The following GRIK1 variants were observed in gnomAD, a reference collection of about 807,000 sequenced individuals.
The protein encoded by GRIK1 is glutamate ionotropic receptor kainate type subunit 1.
GRIK1 carries 69 observed loss-of-function variants against 105.7 expected under a neutral mutation model. The observed-to-expected ratio is 0.65, with a 90% CI of 0.54 to 0.80. The LOEUF is 0.80. Ranked by LOEUF, GRIK1 falls within the 30% of genes least tolerant of loss-of-function variation. GRIK1 has a pLI of 0.00. For synonymous variants in GRIK1, 438 were observed against 431.3 expected, an observed-to-expected ratio of 1.02 and a Z score of -0.19; for missense variants, 1,109 against 1,167.3, an observed-to-expected ratio of 0.95 and a Z score of 0.73.
chr21:29,584,470 A>G (rs1355642708), intron 12 of GRIK1, among the ~76,000 whole-genome samples: 1 of 152,218 alleles, frequency 6.6e-6, no homozygotes, highest in East Asian at 1.9e-4. Flanking sequence ...AAGTGGAAAC[A>G]TTGTCAACCA....
chr21:29,642,338 C>G (rs1317316823), intron 7 of GRIK1, among the ~76,000 whole-genome samples: 1 of 152,192 alleles, frequency 6.6e-6, no homozygotes, highest in African/African-American at 2.4e-5. Context: ...TGGGAATAAA[C>G]TTTTCCAGTT....
Position 29,714,187 on chromosome 21 carries a change from GT to G in GRIK1, c.119-20125del, listed in dbSNP as rs997222725. Among the ~76,000 whole-genome samples the G allele has an allele frequency of 1.5e-4, 23 of 149,722 alleles. 1 individual carries two copies. The highest frequency in any genetic ancestry group is 2.7e-4 in the African/African-American group (11 of 40,722). On this transcript the variant is annotated intron_variant, in intron 1 of 17. Transcript: ENST00000327783. ...AATTTTTGCTCTATTATATTTTGTG[GT>G]TTTTTTTTCAGACAAGTGGGGTACA...
At chr21:29,853,379 T>A (rs1405662868) in intron 1 of GRIK1, among the ~76,000 whole-genome samples, 1 of 152,214 alleles carries the variant, frequency 6.6e-6, no homozygotes, top group Non-Finnish European at 1.5e-5. Context: ...TGACTTCTGA[T>A]GTGACTAAGA....
intron 6 of GRIK1, among the ~76,000 whole-genome samples, chr21:29,643,912 A>G (rs965129041): frequency 1.7e-4 from 26 of 148,928 alleles, no homozygotes; most frequent in Admixed American, 6.6e-4. Flanking sequence ...ACACACATGC[A>G]CACACACACA....
In GRIK1 at chr21:29,689,638, C is replaced by T. The variant is rs566757688; in HGVS notation, c.544+90G>A. The T allele has an allele frequency of 5.6e-4, 620 of 1,109,140 alleles. 3 individuals carry two copies. In the South Asian group the frequency reaches 7.4e-3, roughly 13 times the overall value. The allele number at this position is 1,109,140 out of a possible 1,614,324, so 68.7% of individuals were successfully genotyped here. ...TTATATAAAAGAGCATTTTTATGCT[C>T]CATCTGATGAGTTTAATGACTATTT... On this transcript the variant is annotated intron_variant, in intron 3 of 17. Coordinates refer to ENST00000327783, the MANE Select transcript of GRIK1 (RefSeq NM_001330994.2).
chr21:29,908,982 T>C (rs2070729763), intron 1 of GRIK1, among the ~76,000 whole-genome samples: 1 of 152,198 alleles, frequency 6.6e-6, no homozygotes, highest in Non-Finnish European at 1.5e-5. Context: ...AAACTTTCAA[T>C]TTTGAGTACT....
chr21:29,855,484 A>G (rs1277099769), intron 1 of GRIK1, among the ~76,000 whole-genome samples: 1 of 152,232 alleles, frequency 6.6e-6, no homozygotes, highest in Non-Finnish European at 1.5e-5. Context: ...ATATAACTTG[A>G]CATAAGAAAT....
At position 29,815,834 on chromosome 21, in the gene GRIK1, A is replaced by T. The variant is rs929840746; in HGVS notation, c.119-121771T>A. 8.9e-4 allele frequency among the ~76,000 whole-genome samples: 136 copies of T among 152,294 alleles called. 2 individuals carry two copies. The highest frequency in any genetic ancestry group is 1.2e-3 in the Non-Finnish European group (83 of 68,014). On this transcript the variant is annotated intron_variant, in intron 1 of 17. Transcript: ENST00000327783. ...TTAATGACTTAAATATAAGACATGAAACTATAAAACTACTAGAAGAAAACA... is the reference window on the plus strand; with the variant it reads ...TTAATGACTTAAATATAAGACATGATACTATAAAACTACTAGAAGAAAACA...
chr21:29,858,530 C>G (rs1327372662), intron 1 of GRIK1, among the ~76,000 whole-genome samples: 1 of 152,164 alleles, frequency 6.6e-6, no homozygotes, highest in Non-Finnish European at 1.5e-5. Flanking sequence ...CCTCTCAGTG[C>G]TAGAAAAATA....
chr21:29,659,267 C>A (rs541699936), intron 4 of GRIK1, among the ~76,000 whole-genome samples: 7 of 151,922 alleles, frequency 4.6e-5, no homozygotes, highest in African/African-American at 1.7e-4. Context: ...ATAATTTTTC[C>A]CCATATAAAC....
intron 1 of GRIK1, among the ~76,000 whole-genome samples, chr21:29,910,900 T>C (rs1569211443): frequency 6.6e-6 from 1 of 152,056 alleles, no homozygotes. Context: ...CAAGACTGAC[T>C]TCGTTAGTTT....
intron 3 of GRIK1, among the ~76,000 whole-genome samples, chr21:29,681,883 T>C (rs1914460390): frequency 1.3e-5 from 2 of 152,214 alleles, no homozygotes; most frequent in Admixed American, 1.3e-4. Flanking sequence ...AAGAAACAGA[T>C]GATCTACCAG....
intron 1 of GRIK1, among the ~76,000 whole-genome samples, chr21:29,745,763 A>T (rs2145621212): frequency 6.6e-6 from 1 of 152,336 alleles, no homozygotes; most frequent in Non-Finnish European, 1.5e-5. Flanking sequence ...TTGTATGGTA[A>T]ATTAGCCAAT....
chr21:29,545,226 G>A, intron 16 of GRIK1, among the ~76,000 whole-genome samples: 1 of 152,216 alleles, frequency 6.6e-6, no homozygotes, highest in Non-Finnish European at 1.5e-5. Flanking sequence ...CTGCAGTGAG[G>A]ATAAGCTTCC....
intron 1 of GRIK1, among the ~76,000 whole-genome samples, chr21:29,695,088 T>C (rs363604): frequency 0.032 from 4,873 of 152,262 alleles, 255 homozygotes; most frequent in African/African-American, 0.11. Context: ...ATGTTCTAGG[T>C]AGGCTCTGGT....
intron 9 of GRIK1, among the ~76,000 whole-genome samples, chr21:29,592,357 A>G (rs1354682776): frequency 6.6e-6 from 1 of 152,206 alleles, no homozygotes; most frequent in East Asian, 1.9e-4. Context: ...GCATTCAGTA[A>G]AGCCCATTAC....
intron 1 of GRIK1, among the ~76,000 whole-genome samples, chr21:29,931,278 T>A (rs1429845670): frequency 1.3e-5 from 2 of 152,208 alleles, no homozygotes; most frequent in South Asian, 4.1e-4. Flanking sequence ...ATCTTGGTTG[T>A]GACAGTTTTT....
At chr21:29,879,562 A>G (rs7278228) in intron 1 of GRIK1, among the ~76,000 whole-genome samples, 1,713 of 152,174 alleles carry the variant, frequency 0.011, 38 homozygotes, top group African/African-American at 0.039. Flanking sequence ...AATTAGTTGT[A>G]TTTAGAGTTG....
At chr21:29,634,019 A>G (rs2062342193) in intron 7 of GRIK1, among the ~76,000 whole-genome samples, 2 of 152,216 alleles carry the variant, frequency 1.3e-5, no homozygotes, top group Non-Finnish European at 1.5e-5. Flanking sequence ...ACACAGTAGG[A>G]TAAAAATATG....
Sources: allele counts gnomAD v4.1 joint callset (sites outside exome capture counted in the v4.1 genomes callset), GRCh38; gene constraint gnomAD v4.1.1; transcripts MANE v1.5; gene names NCBI Gene and HGNC (gene_info 2026-07-23, HGNC 2026-07-21).